Variants in CA10 observed in about 807,000 individuals in gnomAD.
The protein encoded by CA10 is carbonic anhydrase-related protein 10.
A neutral mutation model predicts 44.2 loss-of-function variants in CA10; 14 were observed. The observed-to-expected ratio is 0.32, with a 90% CI of 0.21 to 0.50. The LOEUF (loss-of-function observed/expected upper bound fraction) is 0.50, where lower values mean the gene tolerates loss of function less well. Among genes scored for constraint, CA10 ranks in the 20% least tolerant of loss-of-function variants. The pLI is 0.99. For synonymous variants in CA10, 159 were observed against 141.6 expected, an observed-to-expected ratio of 1.12 and a Z score of -0.87; for missense variants, 350 against 409.7, an observed-to-expected ratio of 0.85 and a Z score of 1.26.
intron 2 of CA10, among the ~76,000 whole-genome samples, chr17:52,068,400 T>G (rs1987592251): frequency 6.6e-6 from 1 of 152,238 alleles, no homozygotes; most frequent in Admixed American, 6.5e-5. Context: ...ACCTCTTTCC[T>G]TTATAAGTTA....
At chr17:51,635,098 C>A (rs1363120686) in intron 7 of CA10, among the ~76,000 whole-genome samples, 2 of 152,104 alleles carry the variant, frequency 1.3e-5, no homozygotes. Context: ...ATAGTCATTG[C>A]AGATGGAATG....
At chr17:51,969,128 C>T (rs1984186052) in intron 2 of CA10, among the ~76,000 whole-genome samples, 1 of 151,956 alleles carries the variant, frequency 6.6e-6, no homozygotes, top group African/African-American at 2.4e-5. Context: ...AAAATGTCTT[C>T]AAAACCTAAA....
chr17:51,976,625 G>A (rs1434634678), intron 2 of CA10, among the ~76,000 whole-genome samples: 2 of 151,906 alleles, frequency 1.3e-5, no homozygotes, highest in Non-Finnish European at 2.9e-5. Flanking sequence ...GAAATTTATA[G>A]TGTTACATGT....
chr17:51,952,554 CA>C (rs5820888), intron 2 of CA10, among the ~76,000 whole-genome samples: 143,689 of 148,468 alleles, frequency 0.97, 69,625 homozygotes, highest in Non-Finnish European at 1. Flanking sequence ...GACCCTGTCT[CA>C]AAAAAAAAAA....
At chr17:52,113,712 T>C (rs921921516) in intron 1 of CA10, among the ~76,000 whole-genome samples, 2 of 152,222 alleles carry the variant, frequency 1.3e-5, no homozygotes, top group Non-Finnish European at 2.9e-5. Context: ...GCCATCCTAC[T>C]TCCTCTTACT....
chr17:51,795,785 G>A (rs550501179), intron 3 of CA10, among the ~76,000 whole-genome samples: 33 of 152,334 alleles, frequency 2.2e-4, no homozygotes, highest in African/African-American at 5.8e-4. Flanking sequence ...ATCCTCACTC[G>A]TGGTGGTCAC....
intron 3 of CA10, among the ~76,000 whole-genome samples, chr17:51,878,466 C>T (rs1015467704): frequency 1.3e-5 from 2 of 152,070 alleles, no homozygotes; most frequent in Non-Finnish European, 1.5e-5. Context: ...CTGGCAGAAT[C>T]ACAATCTGTC....
chr17:51,979,264 CAT>C (rs1448454129), intron 2 of CA10, among the ~76,000 whole-genome samples: 1 of 152,092 alleles, frequency 6.6e-6, no homozygotes, highest in Non-Finnish European at 1.5e-5. Flanking sequence ...ATTTGCAAAA[CAT>C]ATATCTGACA....
chr17:51,792,759 G>A (rs760114601), intron 3 of CA10, among the ~76,000 whole-genome samples: 1 of 152,154 alleles, frequency 6.6e-6, no homozygotes, highest in Non-Finnish European at 1.5e-5. Context: ...CTTTAGAGAC[G>A]ATCAATATCT....
chr17:51,695,407 A>C lies in CA10; in HGVS notation c.466-41671T>G, dbSNP rs1915367554. Among the ~76,000 whole-genome samples the C allele has an allele frequency of 2.0e-5, 3 of 151,962 alleles. No individual in the cohort carries two copies. In the South Asian group the frequency reaches 6.2e-4, roughly 32 times the overall value. On this transcript the variant is annotated intron_variant, in intron 4 of 8. Coordinates refer to ENST00000451037, the MANE Select transcript of CA10 (RefSeq NM_020178.5). ...CTCCTCTTTGGTTAGATGTATTACTATATATGTGGGTGTTTGTGTGTGGCT... is the reference window on the plus strand; with the variant it reads ...CTCCTCTTTGGTTAGATGTATTACTCTATATGTGGGTGTTTGTGTGTGGCT...
chr17:51,819,733 A>C (rs1907691879), intron 3 of CA10, among the ~76,000 whole-genome samples: 1 of 152,200 alleles, frequency 6.6e-6, no homozygotes, highest in South Asian at 2.1e-4. Context: ...TTCTCTTTCC[A>C]GCTGGGCCAG....
intron 3 of CA10, among the ~76,000 whole-genome samples, chr17:51,926,865 T>C (rs1223212617): frequency 1.3e-5 from 2 of 152,194 alleles, no homozygotes; most frequent in Non-Finnish European, 2.9e-5. Context: ...GATTAAGATG[T>C]GGACATTTTT....
At chr17:51,822,037 G>A (rs184441232) in intron 3 of CA10, among the ~76,000 whole-genome samples, 9 of 152,240 alleles carry the variant, frequency 5.9e-5, no homozygotes, top group Non-Finnish European at 1.3e-4. Flanking sequence ...CAGAGACTTT[G>A]ACACCAATCC....
intron 2 of CA10, among the ~76,000 whole-genome samples, chr17:51,951,895 T>A (rs1359661125): frequency 1.3e-5 from 2 of 152,124 alleles, no homozygotes; most frequent in East Asian, 3.9e-4. Context: ...GTACACACAA[T>A]AACTTCTATG....
At chr17:52,100,656 T>C (rs963285943) in intron 1 of CA10, among the ~76,000 whole-genome samples, 1 of 152,172 alleles carries the variant, frequency 6.6e-6, no homozygotes, top group Non-Finnish European at 1.5e-5. Flanking sequence ...CCACACCATT[T>C]CTGACACTTA....
chr17:52,057,135 A>G (rs1359078421), intron 2 of CA10, among the ~76,000 whole-genome samples: 1 of 152,116 alleles, frequency 6.6e-6, no homozygotes, highest in African/African-American at 2.4e-5. Context: ...AGTGCATAGT[A>G]GAGAATCAGT....
chr17:51,652,405 GATGTC>G (rs1567789748), intron 5 of CA10, among the ~76,000 whole-genome samples: 2 of 152,352 alleles, frequency 1.3e-5, no homozygotes, highest in South Asian at 2.1e-4. Flanking sequence ...TTTCCTTTGA[GATGTC>G]ATGTCAAGTA....
intron 3 of CA10, among the ~76,000 whole-genome samples, chr17:51,790,099 C>T (rs1401497133): frequency 6.6e-6 from 1 of 152,168 alleles, no homozygotes; most frequent in African/African-American, 2.4e-5. Context: ...CATCGTGCAT[C>T]AGATGCTTGG....
chr17:51,978,239 A>G (rs570756135), intron 2 of CA10, among the ~76,000 whole-genome samples: 10 of 152,286 alleles, frequency 6.6e-5, no homozygotes, highest in Non-Finnish European at 1.5e-4. Context: ...ACAAAGTTGG[A>G]TAACTTAAAA....
Sources: gnomAD v4.1 joint callset for allele counts (sites outside exome capture counted in the v4.1 genomes callset) on GRCh38, gnomAD v4.1.1 for gene constraint, MANE v1.5 for transcripts, NCBI Gene and HGNC (gene_info 2026-07-23, HGNC 2026-07-21) for gene names.